The following MTSS1 variants were observed in gnomAD, a reference collection of about 807,000 sequenced individuals.
MTSS1 encodes MTSS I-BAR domain containing 1, also known as protein MTSS 1.
A neutral mutation model predicts 79.0 loss-of-function variants in MTSS1; 18 were observed. The observed-to-expected ratio is 0.23, with a 90% CI of 0.16 to 0.34. The LOEUF is 0.34. Among genes scored for constraint, MTSS1 ranks in the 10% least tolerant of loss-of-function variants. The pLI, the probability that MTSS1 is intolerant of heterozygous loss-of-function variation, is 1.00. For missense variants in MTSS1, 815 were observed against 986.2 expected, an observed-to-expected ratio of 0.83 and a Z score of 2.33; for synonymous variants, 341 against 368.6, an observed-to-expected ratio of 0.93 and a Z score of 0.86.
chr8:124,699,743 T>C, intron 2 of MTSS1, 144 bp from the exon 3 acceptor site: 5 of 706,850 alleles, frequency 7.1e-6, no homozygotes, highest in Admixed American at 2.5e-5. Context: ...ACCACTGTCT[T>C]GCTGAACCCA....
chr8:124,687,858 T>C (rs1056088596), intron 3 of MTSS1, among the ~76,000 whole-genome samples: 2 of 152,262 alleles, frequency 1.3e-5, no homozygotes, highest in Middle Eastern at 3.2e-3. Context: ...GGTCCCTTTC[T>C]GTCTTAGCAG....
intron 11 of MTSS1, among the ~76,000 whole-genome samples, chr8:124,557,160 T>G (rs1824020650): frequency 6.6e-6 from 1 of 152,298 alleles, no homozygotes; most frequent in South Asian, 2.1e-4. Flanking sequence ...AAAACTAAAG[T>G]CTGCGTGTAC....
intron 10 of MTSS1, among the ~76,000 whole-genome samples, chr8:124,559,663 TATG>T (rs1824855185): frequency 6.6e-6 from 1 of 152,200 alleles, no homozygotes; most frequent in African/African-American, 2.4e-5. Context: ...GGACTGTTCC[TATG>T]ATCTCACCTA....
intron 3 of MTSS1, among the ~76,000 whole-genome samples, chr8:124,636,666 C>A (rs187066981): frequency 6.6e-6 from 1 of 152,280 alleles, no homozygotes; most frequent in East Asian, 1.9e-4. Context: ...GAAATGTACC[C>A]AGCTGTCCAC....
At chr8:124,593,622 C>T (rs534903336) in intron 3 of MTSS1, among the ~76,000 whole-genome samples, 6 of 152,330 alleles carry the variant, frequency 3.9e-5, no homozygotes, top group Non-Finnish European at 5.9e-5. Flanking sequence ...AGACGTACAG[C>T]GCTTAGGATG....
chr8:124,627,706 A>C (rs1379132792), intron 3 of MTSS1, among the ~76,000 whole-genome samples: 2 of 152,208 alleles, frequency 1.3e-5, no homozygotes, highest in Non-Finnish European at 2.9e-5. Flanking sequence ...TGAAAGGGTA[A>C]TGTAAGAAGA....
intron 3 of MTSS1, among the ~76,000 whole-genome samples, chr8:124,614,154 T>C (rs1836390385): frequency 1.0e-5 from 1 of 95,808 alleles, no homozygotes; most frequent in Non-Finnish European, 1.9e-5. Context: ...ACAGAGCAAA[T>C]ACCTGCCTCA....
In MTSS1 at chr8:124,582,977, C is replaced by T. The variant is rs539225111; in HGVS notation, c.460+2110G>A. Among the ~76,000 whole-genome samples the T allele has an allele frequency of 1.2e-3, 177 of 152,304 alleles. No homozygotes were observed. Among genetic ancestry groups the T allele is most frequent in the Admixed American group, 2.0e-3 (30 of 15,296 alleles). On this transcript the variant is annotated intron_variant, in intron 6 of 13. Transcript: ENST00000518547. The surrounding 1 kb of genome is among the most constrained non-coding windows in gnomAD (Gnocchi z 4.8). ...ATCCCAGAAATATACAAATAGAACACCTGGTCCAAAACTGCACTTACTGAT... is the reference window on the plus strand; with the variant it reads ...ATCCCAGAAATATACAAATAGAACATCTGGTCCAAAACTGCACTTACTGAT...
At chr8:124,697,383 A>C (rs1485415406) in intron 3 of MTSS1, among the ~76,000 whole-genome samples, 1 of 152,044 alleles carries the variant, frequency 6.6e-6, no homozygotes, top group Non-Finnish European at 1.5e-5. Flanking sequence ...AACATGGTGA[A>C]ACCCCATCTC....
chr8:124,629,964 C>T (rs1047266377), intron 3 of MTSS1, among the ~76,000 whole-genome samples: 4 of 152,210 alleles, frequency 2.6e-5, no homozygotes, highest in Non-Finnish European at 5.9e-5. Context: ...AGAATTGAGT[C>T]GCTGAGGACA....
chr8:124,576,426 T>C (rs918736956), intron 6 of MTSS1, among the ~76,000 whole-genome samples: 2 of 152,166 alleles, frequency 1.3e-5, no homozygotes, highest in Non-Finnish European at 2.9e-5. Context: ...AGGTGTGTCA[T>C]AACTGAATAG....
chr8:124,718,397 A>T (rs557152630), intron 1 of MTSS1, among the ~76,000 whole-genome samples: 2 of 152,110 alleles, frequency 1.3e-5, no homozygotes, highest in East Asian at 1.9e-4. Flanking sequence ...GGATGACCTC[A>T]GTCCCTCCAG....
chr8:124,662,656 G>A (rs1822277084), intron 3 of MTSS1, among the ~76,000 whole-genome samples: 1 of 149,892 alleles, frequency 6.7e-6, no homozygotes, highest in Non-Finnish European at 1.5e-5. Context: ...ACATTGAAGA[G>A]CCCCTGCTCT....
intron 3 of MTSS1, among the ~76,000 whole-genome samples, chr8:124,594,905 G>T (rs1832489430): frequency 6.6e-6 from 1 of 152,216 alleles, no homozygotes; most frequent in Admixed American, 6.5e-5. Context: ...GAGGAAACTG[G>T]CTTGAGCTAC....
At chr8:124,607,510 T>C (rs1835080082) in intron 3 of MTSS1, among the ~76,000 whole-genome samples, 1 of 152,200 alleles carries the variant, frequency 6.6e-6, no homozygotes, top group African/African-American at 2.4e-5. Context: ...AACCCCGGAA[T>C]AGCAAACAAG....
rs1835418776 is a variant in MTSS1 at position 124,609,499 on chromosome 8, A to G, written c.209-18264T>C. Among the ~76,000 whole-genome samples, 6 of 152,326 alleles carry G rather than the reference A, an allele frequency of 3.9e-5. No homozygotes were observed. The South Asian group carries it at 1.2e-3, about 32-fold the overall frequency. On this transcript the variant is annotated intron_variant, in intron 3 of 13. Transcript: ENST00000518547. ...AACCTTCAGAGTGACTTGGTATAAA[A>G]AGGTGGGCAAGGAGTAAGCTTTTAT...
rs1459393491 is a variant in MTSS1, at chr8:124,727,811, G to A, written c.72+73C>T. On this transcript the variant is annotated intron_variant, in intron 1 of 13. Coordinates refer to ENST00000518547, the MANE Select transcript of MTSS1 (RefSeq NM_014751.6). The surrounding 1 kb of genome is among the most constrained non-coding windows in gnomAD (Gnocchi z 4.7). ...AGGGAAGGGCCGGGTGCCCGGCCCGGGGTGGAGGCGAAGCGCGGCGGCGAG... is the reference window on the plus strand; with the variant it reads ...AGGGAAGGGCCGGGTGCCCGGCCCGAGGTGGAGGCGAAGCGCGGCGGCGAG... 4 of 1,352,818 alleles carry A rather than the reference G, an allele frequency of 3.0e-6. No homozygotes were observed. The highest frequency in any genetic ancestry group is 3.9e-6 in the Non-Finnish European group (4 of 1,020,960). 83.8% of individuals were successfully genotyped at this position (1,352,818 alleles called of 1,614,324 possible).
At chr8:124,654,123 T>A (rs988415298) in intron 3 of MTSS1, among the ~76,000 whole-genome samples, 3 of 152,204 alleles carry the variant, frequency 2.0e-5, no homozygotes, top group Admixed American at 2.0e-4. Context: ...TGTATCATCG[T>A]CGCTGACCTG....
chr8:124,639,547 G>A (rs929386266), intron 3 of MTSS1, among the ~76,000 whole-genome samples: 2 of 151,978 alleles, frequency 1.3e-5, no homozygotes, highest in Admixed American at 1.3e-4. Context: ...CACTATCTTG[G>A]CTCACTCCCG....
Sources: allele counts gnomAD v4.1 joint callset (sites outside exome capture counted in the v4.1 genomes callset), GRCh38; gene constraint gnomAD v4.1.1; non-coding constraint Gnocchi (gnomAD v3.1); transcripts MANE v1.5; gene names NCBI Gene and HGNC (gene_info 2026-07-23, HGNC 2026-07-21).